LRBA: variants seen among roughly 807,000 people sequenced by gnomAD.
The protein encoded by LRBA is lipopolysaccharide-responsive and beige-like anchor protein.
Under a neutral mutation model 330.0 loss-of-function variants are expected in LRBA, and 176 were observed. The ratio of observed to expected loss-of-function variants is 0.53; its 90% CI spans 0.47 to 0.60. The LOEUF (loss-of-function observed/expected upper bound fraction) is 0.60, where lower values mean the gene tolerates loss of function less well. Among genes scored for constraint, LRBA ranks in the 20% least tolerant of loss-of-function variants. LRBA has a pLI of 0.00. For missense variants in LRBA, 3,259 were observed against 3,444.8 expected, an observed-to-expected ratio of 0.95 and a Z score of 1.35; for synonymous variants, 1,230 against 1,193.0, an observed-to-expected ratio of 1.03 and a Z score of -0.64.
At chr4:150,450,679 A>C (rs184470884) in intron 44 of LRBA, among the ~76,000 whole-genome samples, 1 of 152,168 alleles carries the variant, frequency 6.6e-6, no homozygotes, top group Non-Finnish European at 1.5e-5. Flanking sequence ...ATCTTTTTGG[A>C]AACAAAATTC....
At chr4:150,820,503 CA>C (rs1468221451) in intron 30 of LRBA, among the ~76,000 whole-genome samples, 1 of 151,870 alleles carries the variant, frequency 6.6e-6, no homozygotes, top group Non-Finnish European at 1.5e-5. Context: ...CATAAAATCA[CA>C]AAAATACATC....
intron 37 of LRBA, among the ~76,000 whole-genome samples, chr4:150,667,286 T>C (rs1048170584): frequency 6.6e-6 from 1 of 152,146 alleles, no homozygotes; most frequent in Non-Finnish European, 1.5e-5. Flanking sequence ...TTATCCAGGA[T>C]TAACTTCGTT....
At position 150,871,437 on chromosome 4, in the gene LRBA, T is replaced by G. The variant is rs191118242; in HGVS notation, c.2275A>C (p.Met759Leu). The change falls in exon 19 of 57, where the codon ATG (methionine) becomes CTG (leucine). Residue 759 changes from methionine (M) to leucine (L), a missense_variant. Transcript: ENST00000651943. ...AATGAAAACAATCCATGTCCAAGCA[T>G]GACTTCTGCTTTCCTCCTGCAATTA... ...HLAPKRKAEV[M>L]LGHGLFSLLA... 517 of 1,607,842 alleles carry G rather than the reference T, an allele frequency of 3.2e-4. 3 individuals are homozygous for G. In the East Asian group the frequency reaches 8.7e-3, roughly 27 times the overall value.
At chr4:150,732,052 A>C (rs1730528940) in intron 36 of LRBA, among the ~76,000 whole-genome samples, 4 of 152,220 alleles carry the variant, frequency 2.6e-5, no homozygotes, top group Admixed American at 2.6e-4. Flanking sequence ...AATTAACTAA[A>C]ATGGCTTGGT....
At chr4:150,579,573 GT>G (rs1770974674) in intron 40 of LRBA, 1 of 434,904 alleles carries the variant, frequency 2.3e-6, no homozygotes, top group African/African-American at 2.0e-5. Context: ...CATTTGTAAC[GT>G]TTTATCATCC....
chr4:150,698,312 T>A (rs1784814286), intron 36 of LRBA, among the ~76,000 whole-genome samples: 1 of 152,196 alleles, frequency 6.6e-6, no homozygotes. Flanking sequence ...GGTCTATGGT[T>A]AAGATAACCA....
intron 35 of LRBA, among the ~76,000 whole-genome samples, chr4:150,760,895 A>G (rs1428230208): frequency 6.6e-6 from 1 of 152,330 alleles, no homozygotes; most frequent in African/African-American, 2.4e-5. Flanking sequence ...AAATAAAGTT[A>G]CGAATACTCT....
At chr4:150,525,338 T>C (rs1462731493) in intron 40 of LRBA, among the ~76,000 whole-genome samples, 1 of 152,168 alleles carries the variant, frequency 6.6e-6, no homozygotes. Flanking sequence ...ATGTTCTTTT[T>C]TTTCATAGCC....
At chr4:150,803,488 C>T (rs1017398229) in intron 33 of LRBA, among the ~76,000 whole-genome samples, 2 of 152,002 alleles carry the variant, frequency 1.3e-5, no homozygotes, top group Admixed American at 6.6e-5. Context: ...CTAAAAAACT[C>T]ATAAGCATTT....
At chr4:150,989,906 T>G (rs1741882315) in intron 2 of LRBA, among the ~76,000 whole-genome samples, 1 of 151,742 alleles carries the variant, frequency 6.6e-6, no homozygotes, top group African/African-American at 2.4e-5. Flanking sequence ...GGATAATGGC[T>G]TAAGGCCAGG....
intron 47 of LRBA, among the ~76,000 whole-genome samples, chr4:150,385,417 T>C (rs149927371): frequency 1.6e-4 from 24 of 152,326 alleles, no homozygotes; most frequent in African/African-American, 5.5e-4. Flanking sequence ...AAATGTTTAA[T>C]TTTAAAATTT....
At chr4:150,944,900 G>T (rs1200993340) in intron 2 of LRBA, among the ~76,000 whole-genome samples, 1 of 152,180 alleles carries the variant, frequency 6.6e-6, no homozygotes, top group Non-Finnish European at 1.5e-5. Context: ...AGTCTCACAA[G>T]ATCTGATGGT....
intron 36 of LRBA, among the ~76,000 whole-genome samples, chr4:150,686,284 G>A (rs566226994): frequency 6.6e-6 from 1 of 152,126 alleles, no homozygotes; most frequent in Admixed American, 6.5e-5. Flanking sequence ...ACACTGATGT[G>A]GAGAAAATAA....
chr4:150,432,453 CTTT>C (rs35393002), intron 46 of LRBA, among the ~76,000 whole-genome samples: 9 of 98,426 alleles, frequency 9.1e-5, no homozygotes, highest in African/African-American at 3.8e-4. Flanking sequence ...TAAGTGTGTT[CTTT>C]TTTTTTTTTT....
chr4:150,689,073 T>C (rs186644410), intron 36 of LRBA, among the ~76,000 whole-genome samples: 6 of 152,292 alleles, frequency 3.9e-5, no homozygotes, highest in African/African-American at 1.4e-4. Flanking sequence ...TGTCCATCAA[T>C]GTTAGACTGG....
chr4:150,299,820 A>C (rs137856148), intron 53 of LRBA, among the ~76,000 whole-genome samples: 154 of 152,214 alleles, frequency 1.0e-3, no homozygotes, highest in African/African-American at 3.2e-3. Flanking sequence ...CTACAATAAA[A>C]AATTTAAAGT....
intron 2 of LRBA, among the ~76,000 whole-genome samples, chr4:150,991,064 A>AG (rs1742021425): frequency 6.6e-6 from 1 of 152,002 alleles, no homozygotes; most frequent in Non-Finnish European, 1.5e-5. Flanking sequence ...AAAAAAAAAA[A>AG]AAAAAAGAAG....
intron 36 of LRBA, among the ~76,000 whole-genome samples, chr4:150,712,717 G>A (rs1372800097): frequency 6.6e-6 from 1 of 152,022 alleles, no homozygotes; most frequent in African/African-American, 2.4e-5. Flanking sequence ...TACTGGACAA[G>A]ACATGTAAAG....
intron 2 of LRBA, among the ~76,000 whole-genome samples, chr4:150,979,812 A>G (rs935676594): frequency 6.6e-6 from 1 of 152,190 alleles, no homozygotes; most frequent in South Asian, 2.1e-4. Flanking sequence ...ATAACAAGTA[A>G]TGAGATTGAA....
Sources: gnomAD v4.1 joint callset for allele counts (sites outside exome capture counted in the v4.1 genomes callset) on GRCh38, gnomAD v4.1.1 for gene constraint, MANE v1.5 for transcripts, NCBI Gene and HGNC (gene_info 2026-07-23, HGNC 2026-07-21) for gene names.